The following FHIT variants were observed in gnomAD, a reference collection of about 807,000 sequenced individuals.
FHIT encodes bis(5'-adenosyl)-triphosphatase.
In FHIT, 19 loss-of-function variants were observed where a neutral mutation model predicts 17.9. The observed-to-expected ratio is 1.06, with a 90% CI of 0.74 to 1.56. The LOEUF (loss-of-function observed/expected upper bound fraction) is 1.56, where lower values mean the gene tolerates loss of function less well. Ranked by LOEUF, FHIT falls within the 40% of genes most tolerant of loss-of-function variation. FHIT has a pLI of 0.00. For missense variants in FHIT, 248 were observed against 189.2 expected, an observed-to-expected ratio of 1.31 and a Z score of -1.82; for synonymous variants, 81 against 69.7, an observed-to-expected ratio of 1.16 and a Z score of -0.81.
intron 5 of FHIT, among the ~76,000 whole-genome samples, chr3:60,031,731 G>A (rs1211324506): frequency 6.6e-6 from 1 of 152,096 alleles, no homozygotes; most frequent in African/African-American, 2.4e-5. Context: ...GGTAATTTGG[G>A]GCTTAGGTCA....
intron 8 of FHIT, among the ~76,000 whole-genome samples, chr3:59,916,792 G>T (rs999004481): frequency 6.6e-6 from 1 of 152,158 alleles, no homozygotes; most frequent in South Asian, 2.1e-4. Flanking sequence ...TTATTTGTTA[G>T]TTTTATCACA....
intron 4 of FHIT, among the ~76,000 whole-genome samples, chr3:60,802,457 T>C (rs553617459): frequency 6.6e-6 from 1 of 152,212 alleles, no homozygotes; most frequent in South Asian, 2.1e-4. Context: ...AAGCAACACG[T>C]TGCCCTGGCA....
chr3:60,556,076 C>G (rs1020638600), intron 4 of FHIT, among the ~76,000 whole-genome samples: 11 of 152,130 alleles, frequency 7.2e-5, no homozygotes, highest in African/African-American at 2.7e-4. Context: ...TAAGAGTTCT[C>G]AAAGGGAACA....
At chr3:59,806,697 TATATATGTGTATATAC>T (rs1700217870) in intron 8 of FHIT, among the ~76,000 whole-genome samples, 2 of 10,208 alleles carry the variant, frequency 2.0e-4, no homozygotes, top group East Asian at 3.3e-3. Context: ...TATACATATG[TATATATGTGTATATAC>T]ATATGTATAT....
At chr3:60,468,779 A>G (rs2032931936) in intron 5 of FHIT, among the ~76,000 whole-genome samples, 2 of 152,076 alleles carry the variant, frequency 1.3e-5, no homozygotes, top group South Asian at 4.2e-4. Context: ...TAAGTTTTCT[A>G]CTTTCAGATA....
intron 4 of FHIT, among the ~76,000 whole-genome samples, chr3:60,803,487 C>T (rs1701271197): frequency 1.3e-5 from 2 of 152,134 alleles, no homozygotes; most frequent in Non-Finnish European, 2.9e-5. Flanking sequence ...TTAAAAGCTG[C>T]AGTGATAATC....
chr3:59,790,568 C>T (rs1230229939), intron 8 of FHIT, among the ~76,000 whole-genome samples: 1 of 151,670 alleles, frequency 6.6e-6, no homozygotes, highest in Non-Finnish European at 1.5e-5. Flanking sequence ...TTCATCATTG[C>T]ATTATTGATA....
At chr3:60,022,373 T>C (rs988119733) in intron 5 of FHIT, among the ~76,000 whole-genome samples, 2 of 152,352 alleles carry the variant, frequency 1.3e-5, no homozygotes, top group Admixed American at 1.3e-4. Context: ...GTAGGCCTTC[T>C]GGACCCTTGC....
intron 4 of FHIT, among the ~76,000 whole-genome samples, chr3:60,743,126 T>A (rs1039736551): frequency 1.3e-5 from 2 of 151,808 alleles, no homozygotes; most frequent in African/African-American, 4.8e-5. Flanking sequence ...CAGTGCTGCT[T>A]GAATCAGAAT....
chr3:60,095,002 A>G (rs931852771), intron 5 of FHIT, among the ~76,000 whole-genome samples: 2 of 152,358 alleles, frequency 1.3e-5, no homozygotes, highest in Non-Finnish European at 2.9e-5. Context: ...TTATTTTTTA[A>G]TATCTGTTTT....
At chr3:60,965,518 A>T (rs782699969) in intron 3 of FHIT, among the ~76,000 whole-genome samples, 4 of 152,120 alleles carry the variant, frequency 2.6e-5, no homozygotes, top group Admixed American at 6.5e-5. Flanking sequence ...AGGCACTCTG[A>T]TTTTTAGAAT....
chr3:59,911,492 T>A (rs767286541), intron 8 of FHIT, among the ~76,000 whole-genome samples: 1 of 152,126 alleles, frequency 6.6e-6, no homozygotes, highest in Non-Finnish European at 1.5e-5. Context: ...TCAAGCTAAT[T>A]TTCAGGGAGA....
At chr3:60,059,092 C>G (rs1702200765) in intron 5 of FHIT, among the ~76,000 whole-genome samples, 1 of 152,138 alleles carries the variant, frequency 6.6e-6, no homozygotes, top group South Asian at 2.1e-4. Context: ...ACCAGGAAAG[C>G]CACGCTACCA....
intron 4 of FHIT, among the ~76,000 whole-genome samples, chr3:60,783,576 T>G (rs1700466913): frequency 1.3e-5 from 2 of 152,234 alleles, no homozygotes; most frequent in Non-Finnish European, 2.9e-5. Context: ...AGTGTGTAAT[T>G]CTCTGTTTAT....
intron 3 of FHIT, among the ~76,000 whole-genome samples, chr3:60,916,534 T>C (rs1402991765): frequency 6.6e-6 from 1 of 152,202 alleles, no homozygotes; most frequent in Non-Finnish European, 1.5e-5. Context: ...TGCCCAAGAT[T>C]CAAGGCCATT....
intron 5 of FHIT, among the ~76,000 whole-genome samples, chr3:60,239,844 C>G (rs1205194702): frequency 6.6e-6 from 1 of 152,066 alleles, no homozygotes; most frequent in Admixed American, 6.5e-5. Flanking sequence ...GAAGGGAAGT[C>G]AAATCTATAG....
chr3:59,949,342 A>T (rs1453193872), intron 7 of FHIT, among the ~76,000 whole-genome samples: 1 of 152,166 alleles, frequency 6.6e-6, no homozygotes, highest in African/African-American at 2.4e-5. Context: ...TGCCTCACTC[A>T]TCTATGAACA....
chr3:60,017,356 G>T (rs566251689), intron 5 of FHIT, among the ~76,000 whole-genome samples: 2,391 of 152,254 alleles, frequency 0.016, 64 homozygotes, highest in African/African-American at 0.052. Context: ...CAAAAAGGGG[G>T]GAGAGTACCA....
intron 2 of FHIT, among the ~76,000 whole-genome samples, chr3:61,173,066 A>G (rs2038053759): frequency 6.6e-6 from 1 of 152,192 alleles, no homozygotes. Context: ...ATGTCTTCCC[A>G]GGGATGTCAG....
Sources: gnomAD v4.1 joint callset for allele counts (sites outside exome capture counted in the v4.1 genomes callset) on GRCh38, gnomAD v4.1.1 for gene constraint, MANE v1.5 for transcripts, NCBI Gene and HGNC (gene_info 2026-07-23, HGNC 2026-07-21) for gene names.